NARS1: variants seen among roughly 807,000 people sequenced by gnomAD.
NARS1 encodes the protein asparaginyl-tRNA synthetase 1.
Under a neutral mutation model 79.2 loss-of-function variants are expected in NARS1, and 65 were observed. That is an observed-to-expected ratio of 0.82 (90% confidence interval 0.67 to 1.01). NARS1 has a LOEUF of 1.01. Ranked by LOEUF, NARS1 falls within the 50% of genes least tolerant of loss-of-function variation. The pLI, the probability that NARS1 is intolerant of heterozygous loss-of-function variation, is 0.00. For synonymous variants in NARS1, 229 were observed against 238.8 expected, an observed-to-expected ratio of 0.96 and a Z score of 0.38; for missense variants, 649 against 673.8, an observed-to-expected ratio of 0.96 and a Z score of 0.41.
chr18:57,621,664 G>C, intron 1 of NARS1, 44 bp downstream of exon 1: 1 of 1,581,998 alleles, frequency 6.3e-7, no homozygotes, highest in Non-Finnish European at 8.7e-7. Flanking sequence ...CAGAGTTCCT[G>C]CCCCAGGCAG....
intron 13 of NARS1, 53 bp downstream of exon 13, chr18:57,602,302 A>C: frequency 3.2e-6 from 5 of 1,563,916 alleles, no homozygotes; most frequent in Non-Finnish European, 4.4e-6. Flanking sequence ...TTCAATATAT[A>C]CAGAACGATT....
At chr18:57,606,788 C>T (rs1403054634) in intron 9 of NARS1, 37 bp from the exon 10 acceptor site, 1 of 1,610,192 alleles carries the variant, frequency 6.2e-7, no homozygotes, top group South Asian at 1.1e-5. Flanking sequence ...CTGCTTTTCT[C>T]CTGCACTGGT....
At position 57,607,584 on chromosome 18, in the gene NARS1, T is replaced by G; in HGVS notation, c.661A>C (p.Asn221His). Residue 221 changes from asparagine (N) to histidine (H), a missense_variant, in exon 8 of 14, where the codon AAT becomes CAT. Coordinates refer to ENST00000256854, the MANE Select transcript of NARS1 (RefSeq NM_004539.4). ...APAGGADNLI[N>H]EESDVDVQLN... is the part of the protein sequence containing the mutation. ...TGGACATCAACGTCAGACTCCTCAT[T>G]GATCAGGTTGTCAGCTCCTCCAGCA... is the stretch of plus-strand genomic sequence containing the variant. The G allele has an allele frequency of 6.2e-7, 1 of 1,614,172 alleles. No homozygotes were observed. The highest frequency in any genetic ancestry group is 1.1e-5 in the South Asian group (1 of 91,086).
At position 57,607,557 on chromosome 18, in the gene NARS1, G is replaced by T; in HGVS notation, c.688C>A (p.Leu230Ile). Residue 230 changes from leucine (L) to isoleucine (I), a missense_variant, in exon 8 of 14, where the codon CTC (leucine) becomes ATC (isoleucine). Physicochemically the swap from Leu to Ile is conservative, Grantham distance 5. Coordinates refer to ENST00000256854, the MANE Select transcript of NARS1 (RefSeq NM_004539.4). ...INEESDVDVQLNNRHMMIRGE... is the reference protein window; with the variant it reads ...INEESDVDVQINNRHMMIRGE... ...CGGATCATCATGTGTCTGTTGTTGA[G>T]CTGGACATCAACGTCAGACTCCTCA... is the stretch of plus-strand genomic sequence containing the variant. 6.2e-7 allele frequency: 1 copy of T among 1,614,120 alleles called. No homozygotes were observed. Among genetic ancestry groups the T allele is most frequent in the South Asian group, 1.1e-5 (1 of 91,078 alleles).
rs777551015 is a variant in NARS1, at chr18:57,621,762, C to T, written c.-45G>A. 4.3e-6 allele frequency: 7 copies of T among 1,613,574 alleles called. No individual in the cohort carries two copies. The African/African-American group carries it at 8.0e-5, about 18-fold the overall frequency. On this transcript the variant is annotated 5_prime_UTR_variant, in exon 1 of 14. The change creates a new upstream start codon in the 5' untranslated region. Coordinates refer to ENST00000256854, the MANE Select transcript of NARS1 (RefSeq NM_004539.4). Reference sequence around the variant, plus strand: ...ACCTCCAAGGACACAGACTGCAACACCGACGCCGTCTTATGACTCCAACGT... The same window carrying T: ...ACCTCCAAGGACACAGACTGCAACATCGACGCCGTCTTATGACTCCAACGT...
chr18:57,614,798 T>G (rs1042639479), intron 4 of NARS1, among the ~76,000 whole-genome samples: 1 of 152,226 alleles, frequency 6.6e-6, no homozygotes. Flanking sequence ...TCATTCAACA[T>G]GCATTTACTT....
At chr18:57,617,731 A>C (rs1298939950) in intron 2 of NARS1, among the ~76,000 whole-genome samples, 1 of 146,284 alleles carries the variant, frequency 6.8e-6, no homozygotes, top group Non-Finnish European at 1.5e-5. Context: ...CCTGGCCAAT[A>C]TGATGAAACC....
intron 12 of NARS1, 86 bp from the exon 13 acceptor site, chr18:57,602,572 T>C: frequency 6.7e-7 from 1 of 1,483,084 alleles, no homozygotes; most frequent in Non-Finnish European, 9.2e-7. Context: ...AAAATTACAA[T>C]TAAGCTCCAA....
intron 7 of NARS1, 128 bp downstream of exon 7, chr18:57,609,229 A>G: frequency 1.4e-6 from 1 of 691,710 alleles, no homozygotes. Flanking sequence ...TCACATATAC[A>G]TCTATCCTAC....
chr18:57,610,931 G>A (rs2051599778), intron 6 of NARS1, among the ~76,000 whole-genome samples: 2 of 151,472 alleles, frequency 1.3e-5, no homozygotes, highest in Admixed American at 1.3e-4. Context: ...GTATTAATTT[G>A]GTGGAGGGTG....
chr18:57,607,600 T>C lies in NARS1; in HGVS notation c.645A>G (p.Gly215=), dbSNP rs745983917. ...ACTCCTCATTGATCAGGTTGTCAGC[T>C]CCTCCAGCAGGGGCCAACCCAATTA... ...WELIGLAPAG[G]ADNLINEESD... The change falls in exon 8 of 14, where the codon GGA becomes GGG. Residue 215 remains glycine (G), a synonymous_variant. Coordinates refer to ENST00000256854, the MANE Select transcript of NARS1 (RefSeq NM_004539.4). 6.2e-7 allele frequency: 1 copy of C among 1,613,998 alleles called. No homozygotes were observed. The highest frequency in any genetic ancestry group is 1.7e-5 in the Admixed American group (1 of 59,978).
intron 2 of NARS1, among the ~76,000 whole-genome samples, chr18:57,619,266 AT>A (rs57667136): frequency 0.46 from 56,874 of 123,226 alleles, 12,276 homozygotes; most frequent in East Asian, 0.59. Context: ...TGCCTGGCTA[AT>A]TTTTTTTTTT....
intron 11 of NARS1, among the ~76,000 whole-genome samples, chr18:57,604,058 G>C (rs974484381): frequency 3.9e-5 from 6 of 152,212 alleles, no homozygotes; most frequent in African/African-American, 1.4e-4. Context: ...TTCCAAGGTA[G>C]AGATAAGGAA....
At chr18:57,605,542 G>C (rs1425036771) in intron 11 of NARS1, among the ~76,000 whole-genome samples, 3 of 150,340 alleles carry the variant, frequency 2.0e-5, no homozygotes, top group Non-Finnish European at 2.9e-5. Context: ...AGGAGGCGGA[G>C]GTTGCAGTGA....
In NARS1 at chr18:57,613,584, A is replaced by T; in HGVS notation, c.421+18T>A. The T allele has an allele frequency of 1.2e-6, 2 of 1,600,722 alleles. No individual in the cohort carries two copies. The highest frequency in any genetic ancestry group is 1.7e-6 in the Non-Finnish European group (2 of 1,170,734). On this transcript the variant is annotated intron_variant, in intron 5 of 13. Coordinates refer to ENST00000256854, the MANE Select transcript of NARS1 (RefSeq NM_004539.4). ...GGATATTTAAACATTAAAAAGAAGG[A>T]AAAGCTTTGCCATTTACCTTGCCTG... is the stretch of plus-strand genomic sequence containing the variant.
chr18:57,607,467 AGT>A lies in NARS1; in HGVS notation c.776_777del (p.His259LeufsTer3). ...RSMVTRCFRDHFFDRGYYEVT... is the reference protein window; with the variant it reads ...RSMVTRCFRDXFFDRGYYEVT... Reference sequence around the variant, plus strand: ...ACTTCATAGTACCCCCTATCAAAGAAGTGATCTCTAAAGCACCTGGTGACCAT... The same window carrying A: ...ACTTCATAGTACCCCCTATCAAAGAAGATCTCTAAAGCACCTGGTGACCAT... On this transcript the variant is annotated frameshift_variant, in exon 8 of 14. Coordinates refer to ENST00000256854, the MANE Select transcript of NARS1 (RefSeq NM_004539.4). LOFTEE classifies it high-confidence loss of function. 6.2e-7 allele frequency: 1 copy of A among 1,614,170 alleles called. No homozygotes were observed. The highest frequency in any genetic ancestry group is 8.5e-7 in the Non-Finnish European group (1 of 1,180,020).
rs1385551650 is a variant in NARS1 at position 57,607,495 on chromosome 18, G to A, written c.750C>T (p.Ser250=). The change falls in exon 8 of 14, where the codon TCC becomes TCT. Residue 250 remains serine (S), a synonymous_variant. Coordinates refer to ENST00000256854, the MANE Select transcript of NARS1 (RefSeq NM_004539.4). Reference sequence around the variant, plus strand: ...GATCTCTAAAGCACCTGGTGACCATGGATCGTGCTTTTAGGATTTTGGACA... The same window carrying A: ...GATCTCTAAAGCACCTGGTGACCATAGATCGTGCTTTTAGGATTTTGGACA... ...ENMSKILKAR[S]MVTRCFRDHF... 3.1e-6 allele frequency: 5 copies of A among 1,614,040 alleles called. No individual in the cohort carries two copies. In the African/African-American group the frequency reaches 5.3e-5, roughly 17 times the overall value.
chr18:57,613,527 A>G lies in NARS1; in HGVS notation c.421+75T>C, dbSNP rs1202973568. The G allele has an allele frequency of 2.2e-6, 3 of 1,337,366 alleles. No homozygotes were observed. In the African/African-American group the frequency reaches 4.4e-5, roughly 20 times the overall value. The allele number at this position is 1,337,366 out of a possible 1,614,324, so 82.8% of individuals were successfully genotyped here. On this transcript the variant is annotated intron_variant, in intron 5 of 13. Transcript: ENST00000256854. ...GGGGGAGAGAAAAAAACCCCTGCAA[A>G]TCTTTGTATGTTTTTCTTCATCTAA...
Position 57,602,881 on chromosome 18 carries a change from A to C in NARS1, c.1314T>G (p.Cys438Trp), listed in dbSNP as rs1568162099. ...TDTINEPILL[C>W]RFPVEIKSFY... Reference sequence around the variant, plus strand: ...AGGACTTGATCTCCACAGGAAATCGACACAGCAAGATTGGTTCATTAATGG... The same window carrying C: ...AGGACTTGATCTCCACAGGAAATCGCCACAGCAAGATTGGTTCATTAATGG... Residue 438 changes from cysteine (C) to tryptophan (W), a missense_variant, in exon 12 of 14, where the codon TGT becomes TGG. Cys to Trp is a radical substitution (Grantham distance 215). Transcript: ENST00000256854. The C allele has an allele frequency of 1.2e-6, 2 of 1,614,136 alleles. No individual in the cohort carries two copies. Among genetic ancestry groups the C allele is most frequent in the Non-Finnish European group, 1.7e-6 (2 of 1,179,982 alleles).
Sources: allele counts gnomAD v4.1 joint callset (sites outside exome capture counted in the v4.1 genomes callset), GRCh38; gene constraint gnomAD v4.1.1; transcripts MANE v1.5; gene names NCBI Gene and HGNC (gene_info 2026-07-23, HGNC 2026-07-21).